NIPAL1: variants seen among roughly 807,000 people sequenced by gnomAD.
The protein encoded by NIPAL1 is NIPA like domain containing 1.
In NIPAL1, 35 loss-of-function variants were observed where a neutral mutation model predicts 37.7. The ratio of observed to expected loss-of-function variants is 0.93; its 90% CI spans 0.71 to 1.23. The LOEUF is 1.23. Among genes scored for constraint, NIPAL1 ranks in the 50% most tolerant of loss-of-function variants. NIPAL1 has a pLI of 0.00. For synonymous variants in NIPAL1, 162 were observed against 183.0 expected (o/e 0.89, Z 0.93); for missense variants, 412 against 473.9 (o/e 0.87, Z 1.21).
At chr4:48,016,938 G>T in intron 1 of NIPAL1, 53 bp downstream of exon 1, 1 of 1,501,244 alleles carries the variant, frequency 6.7e-7, no homozygotes, top group Non-Finnish European at 9.1e-7. Context: ...CGAAGAGACC[G>T]GGTGGGCGGT....
chr4:48,024,380 G>A (rs1343426429), intron 1 of NIPAL1, among the ~76,000 whole-genome samples: 1 of 152,048 alleles, frequency 6.6e-6, no homozygotes, highest in East Asian at 1.9e-4. Context: ...CTGGGCTCAA[G>A]CGATCCTCCC....
At position 48,025,318 on chromosome 4, in the gene NIPAL1, G is replaced by A. The variant is rs1437938816; in HGVS notation, c.297G>A (p.Lys99=). 1 of 1,613,966 alleles carries A rather than the reference G, an allele frequency of 6.2e-7. No homozygotes were observed. Among genetic ancestry groups the A allele is most frequent in the Admixed American group, 1.7e-5 (1 of 59,954 alleles). The change falls in exon 2 of 6, where the codon AAG becomes AAA. Residue 99 remains lysine (K), a synonymous_variant. Coordinates refer to ENST00000295461, the MANE Select transcript of NIPAL1 (RefSeq NM_207330.3). The stretch of plus-strand genomic sequence containing the variant: ...AGGGCCTCTTGCAACTGGCCAGCAA[G>A]GGCTTTACTAGAGCTGGTAAGAAAC... ...KKKGLLQLAS[K]GFTRAGQGGH...
rs1376335636 is a variant in NIPAL1, at chr4:48,036,921, C to G, written c.*749C>G. The G allele has an allele frequency of 6.5e-6, 1 of 154,088 alleles. No individual in the cohort carries two copies. The highest frequency in any genetic ancestry group is 1.4e-5 in the Non-Finnish European group (1 of 69,424). The allele number at this position is 154,088 out of a possible 1,614,324, so 9.5% of individuals were successfully genotyped here. ...CCAGCCTGGGTGACAAAGCAAGGCC[C>G]TGTCTCAAAAAAGAAGAAGAGAAAG... On this transcript the variant is annotated 3_prime_UTR_variant, in exon 6 of 6. Transcript: ENST00000295461.
Position 48,016,808 on chromosome 4 carries a change from C to G in NIPAL1, c.-32C>G. On this transcript the variant is annotated 5_prime_UTR_variant, in exon 1 of 6. Transcript: ENST00000295461. Reference sequence around the variant, plus strand: ...TGGAGAGGCCCAGGTGAGGAGCAAGCGCCCGCGTTCCGGAAGCCCGCTCCC... The same window carrying G: ...TGGAGAGGCCCAGGTGAGGAGCAAGGGCCCGCGTTCCGGAAGCCCGCTCCC... 2 of 1,551,856 alleles carry G rather than the reference C, an allele frequency of 1.3e-6. No individual in the cohort carries two copies. The highest frequency in any genetic ancestry group is 1.7e-6 in the Non-Finnish European group (2 of 1,154,268).
chr4:48,023,192 G>T (rs571659623), intron 1 of NIPAL1, among the ~76,000 whole-genome samples: 109 of 152,166 alleles, frequency 7.2e-4, no homozygotes, highest in African/African-American at 2.5e-3. Context: ...TTACAAGGGT[G>T]AGCCACCATG....
At position 48,035,697 on chromosome 4, in the gene NIPAL1, C is replaced by T. The variant is rs767193233; in HGVS notation, c.758C>T (p.Ser253Phe). 6.2e-7 allele frequency: 1 copy of T among 1,614,036 alleles called. No homozygotes were observed. The highest frequency in any genetic ancestry group is 1.1e-5 in the South Asian group (1 of 91,078). The change falls in exon 6 of 6, where the codon TCT becomes TTT. Residue 253 changes from serine to phenylalanine, a missense_variant. Transcript: ENST00000295461. ...CSLIGAFSVS[S>F]VKGLGIAIKE... is the part of the protein sequence containing the mutation. Reference sequence around the variant, plus strand: ...TTGATTGGAGCGTTTTCAGTTTCTTCTGTGAAAGGCCTGGGAATTGCCATT... The same window carrying T: ...TTGATTGGAGCGTTTTCAGTTTCTTTTGTGAAAGGCCTGGGAATTGCCATT...
At chr4:48,026,155 T>C (rs1041344378) in intron 2 of NIPAL1, among the ~76,000 whole-genome samples, 5 of 152,196 alleles carry the variant, frequency 3.3e-5, no homozygotes, top group African/African-American at 1.2e-4. Flanking sequence ...TGATAGTAGA[T>C]TCTCAAGAAC....
In NIPAL1 at chr4:48,036,033, G is replaced by A. The variant is rs1715927323; in HGVS notation, c.1094G>A (p.Ser365Asn). 1.2e-6 allele frequency: 2 copies of A among 1,612,388 alleles called. No individual in the cohort carries two copies. The highest frequency in any genetic ancestry group is 1.7e-6 in the Non-Finnish European group (2 of 1,179,672). The change falls in exon 6 of 6, where the codon AGT becomes AAT. Residue 365 changes from serine to asparagine, a missense_variant. Transcript: ENST00000295461. ...HAFKNTDITW[S>N]ELTSTAKKEA... is the part of the protein sequence containing the mutation. ...TTTAAAAATACTGACATTACTTGGA[G>A]TGAGCTTACATCCACTGCTAAGAAA...
intron 1 of NIPAL1, among the ~76,000 whole-genome samples, chr4:48,023,805 A>T (rs1184074313): frequency 6.6e-6 from 1 of 152,148 alleles, no homozygotes; most frequent in Non-Finnish European, 1.5e-5. Flanking sequence ...AATGATATTT[A>T]AATTCTTTTT....
intron 1 of NIPAL1, among the ~76,000 whole-genome samples, chr4:48,022,200 A>T (rs1715586395): frequency 6.6e-6 from 1 of 152,040 alleles, no homozygotes; most frequent in Non-Finnish European, 1.5e-5. Flanking sequence ...CTGCCCACAC[A>T]CCATCCATTA....
chr4:48,024,805 A>C (rs1715650850), intron 1 of NIPAL1, among the ~76,000 whole-genome samples: 1 of 147,614 alleles, frequency 6.8e-6, no homozygotes, highest in Non-Finnish European at 1.5e-5. Context: ...CCCAGATCGA[A>C]TTTATAGGGG....
intron 3 of NIPAL1, among the ~76,000 whole-genome samples, chr4:48,030,694 T>C (rs11735283): frequency 0.11 from 16,972 of 152,242 alleles, 1,269 homozygotes; most frequent in South Asian, 0.27. Context: ...TAAACGAGAC[T>C]TTACAGGATC....
chr4:48,017,636 C>A (rs1715465525), intron 1 of NIPAL1, among the ~76,000 whole-genome samples: 1 of 152,166 alleles, frequency 6.6e-6, no homozygotes, highest in African/African-American at 2.4e-5. Flanking sequence ...GTTCGCAACA[C>A]TGGCGGGTTT....
chr4:48,019,200 T>C (rs1046680046), intron 1 of NIPAL1, among the ~76,000 whole-genome samples: 10 of 152,244 alleles, frequency 6.6e-5, no homozygotes, highest in African/African-American at 2.4e-4. Context: ...GTATTTTTAA[T>C]ACGGGTTTCA....
chr4:48,026,682 T>C (rs1288232328), intron 2 of NIPAL1, among the ~76,000 whole-genome samples: 1 of 151,958 alleles, frequency 6.6e-6, no homozygotes, highest in Non-Finnish European at 1.5e-5. Context: ...TTCAGCAAAA[T>C]ACATTCTAGA....
At chr4:48,031,284 C>T (rs1384787506) in intron 3 of NIPAL1, among the ~76,000 whole-genome samples, 1 of 152,112 alleles carries the variant, frequency 6.6e-6, no homozygotes, top group Non-Finnish European at 1.5e-5. Flanking sequence ...AGGCTGGTCT[C>T]GAACTCCTGA....
chr4:48,016,787 G>T lies in NIPAL1; in HGVS notation c.-53G>T. ...CCCGCCCGCCGCGGGTGCGTGTGGA[G>T]AGGCCCAGGTGAGGAGCAAGCGCCC... is the stretch of plus-strand genomic sequence containing the variant. On this transcript the variant is annotated 5_prime_UTR_variant, in exon 1 of 6. Coordinates refer to ENST00000295461, the MANE Select transcript of NIPAL1 (RefSeq NM_207330.3). 1.3e-6 allele frequency: 2 copies of T among 1,524,964 alleles called. No homozygotes were observed. Among genetic ancestry groups the T allele is most frequent in the East Asian group, 2.5e-5 (1 of 40,800 alleles). 94.5% of individuals were successfully genotyped at this position (1,524,964 alleles called of 1,614,324 possible). A position where few individuals can be genotyped will look rare whatever the true frequency, so the allele number is the denominator to read the frequency against.
intron 2 of NIPAL1, among the ~76,000 whole-genome samples, chr4:48,029,012 C>G (rs1486833106): frequency 6.6e-6 from 1 of 152,102 alleles, no homozygotes; most frequent in African/African-American, 2.4e-5. Context: ...ATATGGAGAT[C>G]TCTCAGAGAA....
chr4:48,025,433 A>G, intron 2 of NIPAL1, 99 bp downstream of exon 2: 5 of 1,194,362 alleles, frequency 4.2e-6, no homozygotes, highest in Non-Finnish European at 5.9e-6. Context: ...TTGTGTAATT[A>G]TAGTTATTGA....
Sources: gnomAD v4.1 joint callset for allele counts (sites outside exome capture counted in the v4.1 genomes callset) on GRCh38, gnomAD v4.1.1 for gene constraint, MANE v1.5 for transcripts, NCBI Gene and HGNC (gene_info 2026-07-23, HGNC 2026-07-21) for gene names.